The following MFSD6 variants were observed in gnomAD, a reference collection of about 807,000 sequenced individuals.
MFSD6 encodes the protein major facilitator superfamily domain containing 6, also known as major facilitator superfamily domain-containing protein 6.
In MFSD6, 26 loss-of-function variants were observed where a neutral mutation model predicts 56.3. The ratio of observed to expected loss-of-function variants is 0.46; its 90% confidence interval spans 0.34 to 0.64. The LOEUF (loss-of-function observed/expected upper bound fraction) is 0.64. Among genes scored for constraint, MFSD6 ranks in the 30% least tolerant of loss-of-function variants. The pLI is 0.01. For missense variants in MFSD6, 750 were observed against 986.2 expected, an observed-to-expected ratio of 0.76 and a Z score of 3.21; for synonymous variants, 331 against 366.9, an observed-to-expected ratio of 0.90 and a Z score of 1.12.
At chr2:190,472,516 G>A (rs1408547876) in intron 4 of MFSD6, among the ~76,000 whole-genome samples, 1 of 152,180 alleles carries the variant, frequency 6.6e-6, no homozygotes, top group Admixed American at 6.5e-5. Flanking sequence ...ATGAAATGAA[G>A]TGAGAAAAGA....
intron 4 of MFSD6, among the ~76,000 whole-genome samples, chr2:190,479,327 T>C (rs1157160440): frequency 6.6e-6 from 1 of 152,168 alleles, no homozygotes; most frequent in Admixed American, 6.6e-5. Context: ...CAACTGGTAA[T>C]ACCATATAAA....
chr2:190,500,084 G>C lies in MFSD6; in HGVS notation c.2242G>C (p.Asp748His). 6.2e-7 allele frequency: 1 copy of C among 1,614,178 alleles called. No individual in the cohort carries two copies. The highest frequency in any genetic ancestry group is 8.5e-7 in the Non-Finnish European group (1 of 1,180,020). ...AQPVPCETHS[D>H]PSRNQPSPDA... is the part of the protein sequence containing the mutation. ...GCCTGTCCCATGTGAGACTCACTCT[G>C]ACCCATCTAGAAACCAGCCATCCCC... Residue 748 changes from aspartate to histidine, a missense_variant, in exon 8 of 8, where the codon GAC (aspartate) becomes CAC (histidine). Transcript: ENST00000392328. This position sits in a 1 kb window ranked among gnomAD's most constrained non-coding sequence, Gnocchi z 5.3.
Position 190,485,737 on chromosome 2 carries a change from G to A in MFSD6, c.1631-2920G>A, listed in dbSNP as rs889433535. ...TTGTTTTGCCAGATAAAGCAAACACGTTATTTGACTTCTTAGGAAATTAAC... is the reference window on the plus strand; with the variant it reads ...TTGTTTTGCCAGATAAAGCAAACACATTATTTGACTTCTTAGGAAATTAAC... On this transcript the variant is annotated intron_variant, in intron 4 of 7. Coordinates refer to ENST00000392328, the MANE Select transcript of MFSD6 (RefSeq NM_017694.4). This position sits in a 1 kb window ranked among gnomAD's most constrained non-coding sequence, Gnocchi z 5.1. Among the ~76,000 whole-genome samples, 8 of 151,484 alleles carry A rather than the reference G, an allele frequency of 5.3e-5. No homozygotes were observed. Among genetic ancestry groups the A allele is most frequent in the Non-Finnish European group, 7.4e-5 (5 of 67,930 alleles).
In MFSD6 at chr2:190,495,730, ACATAAAGGGGGAAAGGATACTCTATT is replaced by A. The variant is rs1689634170; in HGVS notation, c.1892-1706_1892-1681del. On this transcript the variant is annotated intron_variant, in intron 6 of 7. Coordinates refer to ENST00000392328, the MANE Select transcript of MFSD6 (RefSeq NM_017694.4). This position sits in a 1 kb window ranked among gnomAD's most constrained non-coding sequence, Gnocchi z 4.7. ...CTGATATTTGACAAAGCAAACAGAA[ACATAAAGGGGGAAAGGATACTCTATT>A]CAACAAATGGTGCTGGGATAATTGG... Among the ~76,000 whole-genome samples, 1 of 152,126 alleles carries A rather than the reference ACATAAAGGGGGAAAGGATACTCTATT, an allele frequency of 6.6e-6. No homozygotes were observed. Among genetic ancestry groups the A allele is most frequent in the South Asian group, 2.1e-4 (1 of 4,820 alleles).
In MFSD6 at chr2:190,463,922, G is replaced by A; in HGVS notation, c.1533-5836G>A. On this transcript the variant is annotated intron_variant, in intron 3 of 7. Transcript: ENST00000392328. The surrounding 1 kb of genome is among the most constrained non-coding windows in gnomAD (Gnocchi z 4.4). ...TCTACCATACAGAAAACGTAATCCA[G>A]TTTATATATGAGGCAGACTGTAGAC... 2 of 981,970 alleles carry A rather than the reference G, an allele frequency of 2.0e-6. No homozygotes were observed. The highest frequency in any genetic ancestry group is 2.4e-6 in the Non-Finnish European group (2 of 826,804). 60.8% of individuals were successfully genotyped at this position (981,970 alleles called of 1,614,324 possible).
chr2:190,468,003 A>G (rs373346670), intron 3 of MFSD6, among the ~76,000 whole-genome samples: 2 of 152,348 alleles, frequency 1.3e-5, no homozygotes, highest in South Asian at 4.1e-4. Flanking sequence ...TAGGGTAAAG[A>G]GAGGCCACCC....
Position 190,431,130 on chromosome 2 carries a change from C to G in MFSD6, c.-53-4847C>G, listed in dbSNP as rs1196262399. Among the ~76,000 whole-genome samples the G allele has an allele frequency of 6.6e-6, 1 of 150,538 alleles. No homozygotes were observed. Among genetic ancestry groups the G allele is most frequent in the African/African-American group, 2.4e-5 (1 of 40,840 alleles). On this transcript the variant is annotated intron_variant, in intron 2 of 7. Coordinates refer to ENST00000392328, the MANE Select transcript of MFSD6 (RefSeq NM_017694.4). This position sits in a 1 kb window ranked among gnomAD's most constrained non-coding sequence, Gnocchi z 4.4. ...CAGGGCGGCGGGGCAGAGGCGCTCC[C>G]CACATCTCAGACGATGGGCAGCCAG...
Position 190,498,126 on chromosome 2 carries a change from G to A in MFSD6, c.2172+407G>A. 1 of 167,598 alleles carries A rather than the reference G, an allele frequency of 6.0e-6. No individual in the cohort carries two copies. The highest frequency in any genetic ancestry group is 1.3e-5 in the Non-Finnish European group (1 of 76,314). The allele number at this position is 167,598 out of a possible 1,614,324, so 10.4% of individuals were successfully genotyped here. On this transcript the variant is annotated intron_variant, in intron 7 of 7. Coordinates refer to ENST00000392328, the MANE Select transcript of MFSD6 (RefSeq NM_017694.4). This position sits in a 1 kb window ranked among gnomAD's most constrained non-coding sequence, Gnocchi z 5.9. The stretch of plus-strand genomic sequence containing the variant: ...ATTAATTAATCTGAGCCACTGTATG[G>A]GTCTGATAGGACACCTAACTCAGTG...
chr2:190,475,907 A>G (rs935286739), intron 4 of MFSD6, among the ~76,000 whole-genome samples: 5 of 151,998 alleles, frequency 3.3e-5, no homozygotes, highest in East Asian at 1.9e-4. Context: ...AAATAATGCC[A>G]CATATCTACA....
intron 3 of MFSD6, chr2:190,442,800 A>G (rs1686429498): frequency 6.6e-6 from 1 of 152,128 alleles, no homozygotes. Context: ...AGTTGACACA[A>G]TATTGTAAGT....
chr2:190,500,855 T>A lies in MFSD6; in HGVS notation c.*637T>A, dbSNP rs1049510199. ...ATATGTGTATGGCATATAATGGAAA[T>A]AATTCTTTGAGCAACAGAAGCTATT... On this transcript the variant is annotated 3_prime_UTR_variant, in exon 8 of 8. Transcript: ENST00000392328. The surrounding 1 kb of genome is among the most constrained non-coding windows in gnomAD (Gnocchi z 5.3). 6.6e-6 allele frequency: 1 copy of A among 152,206 alleles called. No individual in the cohort carries two copies. The highest frequency in any genetic ancestry group is 2.4e-5 in the African/African-American group (1 of 41,446). 9.4% of individuals were successfully genotyped at this position (152,206 alleles called of 1,614,324 possible). A position where few individuals can be genotyped will look rare whatever the true frequency, so the allele number is the denominator to read the frequency against.
In MFSD6 at chr2:190,433,678, A is replaced by G. The variant is rs547390745; in HGVS notation, c.-53-2299A>G. The stretch of plus-strand genomic sequence containing the variant: ...GAACATTTTCAAAGCTTACAGCTAC[A>G]TTGACATCTGGCTTTTGGGGATAAC... On this transcript the variant is annotated intron_variant, in intron 2 of 7. Transcript: ENST00000392328. This position sits in a 1 kb window ranked among gnomAD's most constrained non-coding sequence, Gnocchi z 4.5. 3.9e-4 allele frequency among the ~76,000 whole-genome samples: 59 copies of G among 152,216 alleles called. No individual in the cohort carries two copies. The highest frequency in any genetic ancestry group is 5.9e-4 in the Non-Finnish European group (40 of 68,046).
chr2:190,482,765 T>A (rs1192495061), intron 4 of MFSD6, among the ~76,000 whole-genome samples: 1 of 150,272 alleles, frequency 6.7e-6, no homozygotes, highest in Non-Finnish European at 1.5e-5. Flanking sequence ...TACAATCAGA[T>A]ACCAGTGTTG....
In MFSD6 at chr2:190,496,697, T is replaced by C. The variant is rs1017298731; in HGVS notation, c.1892-742T>C. Among the ~76,000 whole-genome samples, 1 of 151,878 alleles carries C rather than the reference T, an allele frequency of 6.6e-6. No individual in the cohort carries two copies. The highest frequency in any genetic ancestry group is 2.4e-5 in the African/African-American group (1 of 41,272). ...GTGTGTGTATATACACACACACACA[T>C]ATACATACATACACAATGGAATACT... On this transcript the variant is annotated intron_variant, in intron 6 of 7. Transcript: ENST00000392328. The surrounding 1 kb of genome is among the most constrained non-coding windows in gnomAD (Gnocchi z 4.7).
Position 190,450,803 on chromosome 2 carries a change from TTC to T in MFSD6, c.1532+13244_1532+13245del, listed in dbSNP as rs140985113. On this transcript the variant is annotated intron_variant, in intron 3 of 7. Coordinates refer to ENST00000392328, the MANE Select transcript of MFSD6 (RefSeq NM_017694.4). ...GCCATTGTGCCCAGCCACTGAGTTT[TTC>T]TTTCCTTTAAAAAGTTAACATATAG... Among the ~76,000 whole-genome samples, 391 of 152,314 alleles carry T rather than the reference TTC, an allele frequency of 2.6e-3. 15 individuals are homozygous for T. In the East Asian group the frequency reaches 0.065, roughly 25 times the overall value.
upstream of MFSD6, among the ~76,000 whole-genome samples, chr2:190,408,143 A>AC (rs2124969659): frequency 6.6e-6 from 1 of 151,248 alleles, no homozygotes; most frequent in South Asian, 2.1e-4. Context: ...GGAGCGCTGC[A>AC]CCTGGCGGCC....
intron 6 of MFSD6, among the ~76,000 whole-genome samples, chr2:190,493,464 A>G (rs1689480810): frequency 6.6e-6 from 1 of 152,194 alleles, no homozygotes; most frequent in African/African-American, 2.4e-5. Context: ...TGACAGCACT[A>G]GACAGGACAT....
chr2:190,452,166 A>G (rs1462558186), intron 3 of MFSD6, among the ~76,000 whole-genome samples: 1 of 152,076 alleles, frequency 6.6e-6, no homozygotes, highest in Non-Finnish European at 1.5e-5. Flanking sequence ...AAAAATCTCC[A>G]ATCGCTTGAA....
Position 190,425,671 on chromosome 2 carries a change from C to T in MFSD6, c.-54+10258C>T, listed in dbSNP as rs1452982118. Among the ~76,000 whole-genome samples the T allele has an allele frequency of 1.3e-5, 2 of 152,098 alleles. No homozygotes were observed. Among genetic ancestry groups the T allele is most frequent in the South Asian group, 2.1e-4 (1 of 4,826 alleles). ...TGAATTGACTGACTTTGAAATATTG[C>T]ATCAGCCTTGTATTTTTGGAATCAA... On this transcript the variant is annotated intron_variant, in intron 2 of 7. Coordinates refer to ENST00000392328, the MANE Select transcript of MFSD6 (RefSeq NM_017694.4). The surrounding 1 kb of genome is among the most constrained non-coding windows in gnomAD (Gnocchi z 4.3).
Sources: gnomAD v4.1 joint callset for allele counts (sites outside exome capture counted in the v4.1 genomes callset) on GRCh38, gnomAD v4.1.1 for gene constraint, Gnocchi (gnomAD v3.1) non-coding constraint, MANE v1.5 for transcripts, NCBI Gene and HGNC (gene_info 2026-07-23, HGNC 2026-07-21) for gene names.